The following OR2L13 variants were observed in gnomAD, a reference collection of about 807,000 sequenced individuals.
OR2L13 encodes the protein olfactory receptor 2L13.
In OR2L13, 14 loss-of-function variants were observed where a neutral mutation model predicts 15.3. That is an observed-to-expected ratio of 0.91 (90% CI 0.60 to 1.43). The LOEUF (loss-of-function observed/expected upper bound fraction) is 1.43. OR2L13 is among the 40% of genes most tolerant of loss of function. OR2L13 has a pLI of 0.00. For missense variants in OR2L13, 367 were observed against 387.9 expected (o/e 0.95, Z 0.45); for synonymous variants, 152 against 142.9 (o/e 1.06, Z -0.45).
At chr1:248,039,782 A>G in the OR2L13 span, 1 of 152,322 alleles carries the variant, frequency 6.6e-6, no homozygotes, top group East Asian at 1.9e-4. Context: ...AAATTACTGA[A>G]TCTAATTGAA....
At chr1:248,060,963 T>A in the OR2L13 span, 2 of 1,614,036 alleles carry the variant, frequency 1.2e-6, no homozygotes, top group Non-Finnish European at 1.7e-6. Flanking sequence ...TCTCCTTCAC[T>A]GGGTGTGGGA....
At chr1:247,990,726 C>T in the OR2L13 span, 2 of 1,566,454 alleles carry the variant, frequency 1.3e-6, no homozygotes, top group Non-Finnish European at 1.8e-6. Flanking sequence ...TAGGCTCCAT[C>T]AACTCTTGTG....
chr1:248,082,784 T>C, the OR2L13 span, among the ~76,000 whole-genome samples: 1 of 152,236 alleles, frequency 6.6e-6, no homozygotes, highest in Non-Finnish European at 1.5e-5. Flanking sequence ...GACTCAATTA[T>C]GTATAAGGTT....
At chr1:248,095,682 C>T (rs1051906219), upstream of OR2L13, among the ~76,000 whole-genome samples, 1 of 129,968 alleles carries the variant, frequency 7.7e-6, no homozygotes, top group African/African-American at 2.9e-5. Flanking sequence ...TCTCAGCTCA[C>T]TGCAACTTCT....
the OR2L13 span, chr1:247,990,729 C>A: frequency 5.7e-6 from 9 of 1,570,584 alleles, no homozygotes; most frequent in Non-Finnish European, 8.8e-7. Flanking sequence ...GCTCCATCAA[C>A]TCTTGTGCTC....
At chr1:247,966,334 T>A in the OR2L13 span, 1 of 1,608,200 alleles carries the variant, frequency 6.2e-7, no homozygotes, top group South Asian at 1.1e-5. Context: ...CAGATCTCTG[T>A]ATTGATTGAG....
the OR2L13 span, among the ~76,000 whole-genome samples, chr1:247,937,742 AG>A: frequency 6.6e-6 from 1 of 152,274 alleles, no homozygotes; most frequent in Non-Finnish European, 1.5e-5. Context: ...CTCTCCCCTA[AG>A]TAATGTTATT....
the OR2L13 span, among the ~76,000 whole-genome samples, chr1:248,087,217 T>C: frequency 3.3e-5 from 5 of 152,114 alleles, no homozygotes; most frequent in African/African-American, 1.2e-4. Context: ...AAAAATCTTC[T>C]AATACAAATT....
the OR2L13 span, chr1:247,966,253 A>G: frequency 2.0e-5 from 32 of 1,612,974 alleles, no homozygotes; most frequent in Non-Finnish European, 2.6e-5. Flanking sequence ...CTACAGCCTG[A>G]GAAATAAGGA....
At chr1:248,061,654 T>A in the OR2L13 span, 2 of 1,558,096 alleles carry the variant, frequency 1.3e-6, no homozygotes, top group South Asian at 2.3e-5. Context: ...AGGACTCAGA[T>A]ACACATCCAT....
the OR2L13 span, chr1:248,004,192 A>AG: frequency 2.6e-6 from 2 of 778,510 alleles, no homozygotes; most frequent in South Asian, 2.9e-5. Flanking sequence ...AGAAAAAAAA[A>AG]TCACTGATTT....
the OR2L13 span, chr1:247,965,324 A>G: frequency 1.7e-5 from 26 of 1,534,168 alleles, no homozygotes; most frequent in Non-Finnish European, 2.3e-5. Flanking sequence ...GGAAGTCAAC[A>G]TTATTACATG....
chr1:248,045,273 A>C, the OR2L13 span, among the ~76,000 whole-genome samples: 2 of 152,214 alleles, frequency 1.3e-5, no homozygotes, highest in Non-Finnish European at 2.9e-5. Context: ...CTTCTTTCAG[A>C]ATAAACCAAG....
At chr1:248,003,807 A>G in the OR2L13 span, 21 of 1,613,566 alleles carry the variant, frequency 1.3e-5, no homozygotes, top group African/African-American at 1.2e-4. Context: ...GCTGTCTACC[A>G]CATGAAATCT....
At chr1:247,961,454 A>G in the OR2L13 span, among the ~76,000 whole-genome samples, 2 of 152,198 alleles carry the variant, frequency 1.3e-5, no homozygotes, top group Non-Finnish European at 2.9e-5. Flanking sequence ...TAAGTAATCT[A>G]CAAGCCTGTT....
chr1:247,999,265 G>A, the OR2L13 span, among the ~76,000 whole-genome samples: 2 of 152,126 alleles, frequency 1.3e-5, no homozygotes, highest in Non-Finnish European at 2.9e-5. Flanking sequence ...AGCAGAGTAA[G>A]CACATCCTCA....
At chr1:247,994,751 T>G in the OR2L13 span, among the ~76,000 whole-genome samples, 1 of 152,148 alleles carries the variant, frequency 6.6e-6, no homozygotes, top group Non-Finnish European at 1.5e-5. Context: ...TTTTAAGTGT[T>G]CTTAGTAAAA....
At chr1:248,073,025 G>T in the OR2L13 span, among the ~76,000 whole-genome samples, 10 of 151,894 alleles carry the variant, frequency 6.6e-5, no homozygotes, top group Non-Finnish European at 1.2e-4. Flanking sequence ...TACACTGTTG[G>T]TGGGACTGTA....
At chr1:247,954,147 C>T in the OR2L13 span, among the ~76,000 whole-genome samples, 18 of 152,200 alleles carry the variant, frequency 1.2e-4, no homozygotes, top group East Asian at 2.9e-3. Context: ...GGAGATAAAG[C>T]GGGTGAGGTG....
Sources: allele counts gnomAD v4.1 joint callset (sites outside exome capture counted in the v4.1 genomes callset), GRCh38; gene constraint gnomAD v4.1.1; transcripts MANE v1.5; gene names NCBI Gene and HGNC (gene_info 2026-07-23, HGNC 2026-07-21).